The following AKAP13 variants were observed in gnomAD, a reference collection of about 807,000 sequenced individuals.
AKAP13 encodes the protein A-kinase anchoring protein 13.
AKAP13 carries 80 observed loss-of-function variants against 264.5 expected under a neutral mutation model. That is an observed-to-expected ratio of 0.30 (90% CI 0.25 to 0.36). The LOEUF (loss-of-function observed/expected upper bound fraction) is 0.36. Ranked by LOEUF, AKAP13 falls within the 10% of genes least tolerant of loss-of-function variation. AKAP13 has a pLI of 1.00. For missense variants in AKAP13, 3,712 were observed against 3,435.2 expected, an observed-to-expected ratio of 1.08 and a Z score of -2.01; for synonymous variants, 1,380 against 1,250.2, an observed-to-expected ratio of 1.10 and a Z score of -2.19.
At chr15:85,574,379 T>G (rs2078939342) in intron 5 of AKAP13, among the ~76,000 whole-genome samples, 1 of 152,150 alleles carries the variant, frequency 6.6e-6, no homozygotes, top group Non-Finnish European at 1.5e-5. Context: ...AAGGGTGGAA[T>G]TGGAGGTGCT....
intron 5 of AKAP13, among the ~76,000 whole-genome samples, chr15:85,552,648 G>C (rs1356453012): frequency 5.9e-5 from 5 of 85,318 alleles, no homozygotes; most frequent in Non-Finnish European, 8.9e-5. Context: ...TTTTTTTTGA[G>C]ACGGAGTCTC....
chr15:85,635,085 G>T, intron 8 of AKAP13: 2 of 398,152 alleles, frequency 5.0e-6, no homozygotes, highest in South Asian at 1.3e-4. Flanking sequence ...TTCGGTAAAT[G>T]AATGGAATGC....
chr15:85,747,172 A>T lies in AKAP13; in HGVS notation c.*2495A>T, dbSNP rs539098718. ...ACCACCCAACTTCATCCAGGAATAC[A>T]GTCTGCAGTGCAGCAACAGAACCGC... On this transcript the variant is annotated 3_prime_UTR_variant, in exon 37 of 37. Coordinates refer to ENST00000394518, the MANE Select transcript of AKAP13 (RefSeq NM_007200.5). 6 of 152,368 alleles carry T rather than the reference A, an allele frequency of 3.9e-5. No homozygotes were observed. In the South Asian group the frequency reaches 1.0e-3, roughly 26 times the overall value. 9.4% of individuals were successfully genotyped at this position (152,368 alleles called of 1,614,324 possible).
chr15:85,557,588 C>A (rs1205024229), intron 5 of AKAP13, among the ~76,000 whole-genome samples: 1 of 152,058 alleles, frequency 6.6e-6, no homozygotes, highest in Admixed American at 6.6e-5. Flanking sequence ...CCTCAACTTC[C>A]GCAGTAGCTG....
At chr15:85,651,402 C>T (rs932741820) in intron 10 of AKAP13, 7 of 152,156 alleles carry the variant, frequency 4.6e-5, no homozygotes, top group Admixed American at 1.3e-4. Flanking sequence ...TATCGATATA[C>T]TTCACCTCTG....
chr15:85,619,643 G>A (rs4843086), intron 8 of AKAP13: 244,108 of 985,866 alleles, frequency 0.25, 32,326 homozygotes, highest in Middle Eastern at 0.37. Flanking sequence ...CCTCTTCCTG[G>A]CAAAGTATAT....
In AKAP13 at chr15:85,691,671, G is replaced by A. The variant is rs560360690; in HGVS notation, c.5290-1606G>A. Among the ~76,000 whole-genome samples the A allele has an allele frequency of 2.6e-5, 4 of 152,264 alleles. No homozygotes were observed. The South Asian group carries it at 6.2e-4, about 24-fold the overall frequency. ...TGACTCTCAGCCCAGTGCCCCCACTGTTCACCCAGTCTCATGTCTCATTTG... is the reference window on the plus strand; with the variant it reads ...TGACTCTCAGCCCAGTGCCCCCACTATTCACCCAGTCTCATGTCTCATTTG... On this transcript the variant is annotated intron_variant, in intron 16 of 36. Transcript: ENST00000394518.
At chr15:85,382,216 C>T (rs1400622508) in intron 1 of AKAP13, 2 of 152,162 alleles carry the variant, frequency 1.3e-5, no homozygotes, top group African/African-American at 2.4e-5. Flanking sequence ...ATTCCTTTAC[C>T]ATCTGCTAAA....
At chr15:85,658,224 G>A (rs1164944637) in intron 11 of AKAP13, among the ~76,000 whole-genome samples, 1 of 152,128 alleles carries the variant, frequency 6.6e-6, no homozygotes, top group Admixed American at 6.6e-5. Flanking sequence ...GAATTTTAAA[G>A]TGTTAAGAAA....
intron 19 of AKAP13, among the ~76,000 whole-genome samples, chr15:85,713,008 T>C (rs980390589): frequency 1.3e-5 from 2 of 152,206 alleles, no homozygotes; most frequent in African/African-American, 4.8e-5. Flanking sequence ...TCTTCCTCTG[T>C]AAAAGGGGAC....
At position 85,655,488 on chromosome 15, in the gene AKAP13, C is replaced by T; in HGVS notation, c.4446C>T (p.Asp1482=). Residue 1482 remains aspartate (D), a synonymous_variant, in exon 11 of 37, where the codon GAC becomes GAT. Coordinates refer to ENST00000394518, the MANE Select transcript of AKAP13 (RefSeq NM_007200.5). ...SSSTDDTASL[D]RHSSHGSDVS... ...CCACCGATGACACGGCTTCACTGGACCGACATTCTTCTCATGGCAGTGATG... is the reference window on the plus strand; with the variant it reads ...CCACCGATGACACGGCTTCACTGGATCGACATTCTTCTCATGGCAGTGATG... 6.2e-7 allele frequency: 1 copy of T among 1,614,182 alleles called. No individual in the cohort carries two copies. Among genetic ancestry groups the T allele is most frequent in the East Asian group, 2.2e-5 (1 of 44,882 alleles).
At chr15:85,635,325 T>C (rs1259648622) in intron 8 of AKAP13, among the ~76,000 whole-genome samples, 1 of 152,172 alleles carries the variant, frequency 6.6e-6, no homozygotes, top group Non-Finnish European at 1.5e-5. Context: ...TGATGTTGGG[T>C]ATCTTTTTTT....
chr15:85,446,406 G>T (rs2073899802), intron 1 of AKAP13, among the ~76,000 whole-genome samples: 1 of 152,178 alleles, frequency 6.6e-6, no homozygotes, highest in South Asian at 2.1e-4. Context: ...AGAGCTTGAG[G>T]TGAGACCGTT....
intron 17 of AKAP13, among the ~76,000 whole-genome samples, chr15:85,704,314 G>A (rs2086106012): frequency 6.6e-6 from 1 of 152,274 alleles, no homozygotes; most frequent in African/African-American, 2.4e-5. Flanking sequence ...TTTCAGTTTG[G>A]CATGGCCACT....
intron 16 of AKAP13, 63 bp downstream of exon 16, chr15:85,684,936 C>G: frequency 6.6e-7 from 1 of 1,515,306 alleles, no homozygotes; most frequent in Non-Finnish European, 8.9e-7. Flanking sequence ...AGCCTGCATT[C>G]ACACCAAAAC....
intron 1 of AKAP13, among the ~76,000 whole-genome samples, chr15:85,388,497 T>A (rs1228210337): frequency 6.6e-6 from 1 of 152,214 alleles, no homozygotes; most frequent in Non-Finnish European, 1.5e-5. Flanking sequence ...CATAGGTGTT[T>A]GTTTTTGTAG....
intron 5 of AKAP13, among the ~76,000 whole-genome samples, chr15:85,572,684 T>G (rs1413705645): frequency 1.3e-5 from 2 of 152,110 alleles, no homozygotes; most frequent in Non-Finnish European, 2.9e-5. Context: ...TTTTTTATTA[T>G]TACACTGTAA....
intron 5 of AKAP13, among the ~76,000 whole-genome samples, chr15:85,551,196 A>G (rs1221739362): frequency 2.6e-5 from 4 of 152,172 alleles, no homozygotes; most frequent in African/African-American, 9.7e-5. Flanking sequence ...CAGCTGGACA[A>G]CTTTAAGCAT....
chr15:85,704,597 G>A (rs1016560321), intron 17 of AKAP13, among the ~76,000 whole-genome samples: 1 of 152,176 alleles, frequency 6.6e-6, no homozygotes, highest in Non-Finnish European at 1.5e-5. Context: ...AGAGGAATCC[G>A]ATTAGGGATC....
Sources: allele counts gnomAD v4.1 joint callset (sites outside exome capture counted in the v4.1 genomes callset), GRCh38; gene constraint gnomAD v4.1.1; transcripts MANE v1.5; gene names NCBI Gene and HGNC (gene_info 2026-07-23, HGNC 2026-07-21).